RNASEH1: variants seen among roughly 807,000 people sequenced by gnomAD.
The protein encoded by RNASEH1 is ribonuclease H1.
Under a neutral mutation model 34.6 loss-of-function variants are expected in RNASEH1, and 27 were observed. The ratio of observed to expected loss-of-function variants is 0.78; its 90% CI spans 0.58 to 1.08. The LOEUF (loss-of-function observed/expected upper bound fraction) is 1.08, where lower values mean the gene tolerates loss of function less well. Ranked by LOEUF, RNASEH1 falls within the 50% of genes least tolerant of loss-of-function variation. The pLI is 0.00. For missense variants in RNASEH1, 349 were observed against 373.6 expected (o/e 0.93, Z 0.54); for synonymous variants, 162 against 138.4 (o/e 1.17, Z -1.20).
chr2:3,537,683 T>C (rs1029673341), downstream of RNASEH1, among the ~76,000 whole-genome samples: 2 of 151,656 alleles, frequency 1.3e-5, no homozygotes, highest in African/African-American at 4.9e-5. Flanking sequence ...ACAGCGCCAC[T>C]GTACTCCAGC....
downstream of RNASEH1, among the ~76,000 whole-genome samples, chr2:3,538,899 G>A (rs1668138732): frequency 6.6e-6 from 1 of 152,192 alleles, no homozygotes; most frequent in Non-Finnish European, 1.5e-5. Context: ...ATGCACTGTT[G>A]CTAATATCAT....
chr2:3,531,970 C>T, the RNASEH1 span: 19 of 392,074 alleles, frequency 4.8e-5, no homozygotes, highest in Non-Finnish European at 2.3e-5. Flanking sequence ...TAGCTGAGGC[C>T]GAACACTGCG....
chr2:3,557,578 G>A (rs1251775650), intron 1 of RNASEH1: 1 of 328,674 alleles, frequency 3.0e-6, no homozygotes, highest in Non-Finnish European at 6.0e-6. Flanking sequence ...GGTACAGTCA[G>A]AACAGCTGGG....
At chr2:3,546,693 T>C (rs1035076510) in intron 7 of RNASEH1, among the ~76,000 whole-genome samples, 3 of 152,296 alleles carry the variant, frequency 2.0e-5, no homozygotes, top group Middle Eastern at 3.4e-3. Context: ...CTCACTAGAA[T>C]TGTATTACTT....
intron 2 of RNASEH1, among the ~76,000 whole-genome samples, chr2:3,552,795 A>C (rs1226914317): frequency 6.6e-6 from 1 of 151,984 alleles, no homozygotes; most frequent in Non-Finnish European, 1.5e-5. Context: ...CCCGGGTTTG[A>C]ATCCAACCCG....
chr2:3,536,122 G>T, the RNASEH1 span, among the ~76,000 whole-genome samples: 1 of 152,214 alleles, frequency 6.6e-6, no homozygotes, highest in East Asian at 1.9e-4. Flanking sequence ...ACTAGAGCAG[G>T]ATCTCTCTGC....
Position 3,547,930 on chromosome 2 carries a change from C to G in RNASEH1, c.774+1G>C. 2 of 1,613,720 alleles carry G rather than the reference C, an allele frequency of 1.2e-6. No individual in the cohort carries two copies. Among genetic ancestry groups the G allele is most frequent in the Non-Finnish European group, 1.7e-6 (2 of 1,179,652 alleles). ...AGGACATGAACATTTAAGATACTCA[C>G]CCACTGAATGTCCATCCCCTGGGTA... On this transcript the variant is annotated splice_donor_variant, in intron 7 of 7. Coordinates refer to ENST00000315212, the MANE Select transcript of RNASEH1 (RefSeq NM_002936.6). LOFTEE classifies it high-confidence loss of function.
chr2:3,552,846 C>A (rs950182551), intron 2 of RNASEH1, among the ~76,000 whole-genome samples: 4 of 151,946 alleles, frequency 2.6e-5, no homozygotes, highest in African/African-American at 9.7e-5. Flanking sequence ...ATAGATAAAT[C>A]TAAAAAAAGA....
downstream of RNASEH1, among the ~76,000 whole-genome samples, chr2:3,538,750 A>G (rs1205366500): frequency 6.6e-6 from 1 of 152,186 alleles, no homozygotes; most frequent in African/African-American, 2.4e-5. Flanking sequence ...CAATCTGCAG[A>G]GTGGGGACTG....
At chr2:3,548,593 C>A (rs748892766) in intron 6 of RNASEH1, 47 bp downstream of exon 6, 3 of 1,317,786 alleles carry the variant, frequency 2.3e-6, no homozygotes, top group South Asian at 1.2e-5. Flanking sequence ...ACCAATTTCC[C>A]TTCACAGTTA....
At chr2:3,554,825 A>G (rs1226091171) in intron 2 of RNASEH1, among the ~76,000 whole-genome samples, 1 of 152,112 alleles carries the variant, frequency 6.6e-6, no homozygotes, top group Non-Finnish European at 1.5e-5. Flanking sequence ...AAAAAGCCAT[A>G]TTTTCAAACC....
chr2:3,535,602 C>A, the RNASEH1 span, among the ~76,000 whole-genome samples: 1 of 152,104 alleles, frequency 6.6e-6, no homozygotes, highest in African/African-American at 2.4e-5. Context: ...GCAGTAAGAG[C>A]CGCATGGCTG....
chr2:3,556,231 C>A (rs1489327082), intron 2 of RNASEH1, among the ~76,000 whole-genome samples: 1 of 151,434 alleles, frequency 6.6e-6, no homozygotes, highest in Non-Finnish European at 1.5e-5. Context: ...AAAGGCAACA[C>A]CACAAAGGGG....
Position 3,542,930 on chromosome 2 carries a change from C to T in RNASEH1, c.*2855G>A, listed in dbSNP as rs1286869450. Among the ~76,000 whole-genome samples the T allele has an allele frequency of 2.6e-5, 4 of 152,110 alleles. No homozygotes were observed. Among genetic ancestry groups the T allele is most frequent in the African/African-American group, 9.7e-5 (4 of 41,392 alleles). On this transcript the variant is annotated 3_prime_UTR_variant, in exon 8 of 8. Transcript: ENST00000315212. ...CCAAAAATCTAGAAATAATGACCAA[C>T]GCAATAGCAATGAGCATCCTAAACT...
chr2:3,550,079 T>C, intron 4 of RNASEH1: 1 of 314,026 alleles, frequency 3.2e-6, no homozygotes, highest in South Asian at 3.7e-5. Context: ...GAAGGTGAAG[T>C]CTGCAGTGAG....
chr2:3,544,456 T>G lies in RNASEH1; in HGVS notation c.*1329A>C, dbSNP rs1049586686. Among the ~76,000 whole-genome samples the G allele has an allele frequency of 6.6e-6, 1 of 151,604 alleles. No individual in the cohort carries two copies. Among genetic ancestry groups the G allele is most frequent in the Non-Finnish European group, 1.5e-5 (1 of 67,944 alleles). ...ACGGGACTGCAAATGGACACTGAAGTAGATAAAAAAATAAACAAAAAAAAG... is the reference window on the plus strand; with the variant it reads ...ACGGGACTGCAAATGGACACTGAAGGAGATAAAAAAATAAACAAAAAAAAG... On this transcript the variant is annotated 3_prime_UTR_variant, in exon 8 of 8. Transcript: ENST00000315212.
At chr2:3,555,695 C>T (rs2147779144) in intron 2 of RNASEH1, among the ~76,000 whole-genome samples, 1 of 152,224 alleles carries the variant, frequency 6.6e-6, no homozygotes, top group South Asian at 2.1e-4. Flanking sequence ...TTGTAAGTAA[C>T]ATTCACGTAA....
intron 2 of RNASEH1, among the ~76,000 whole-genome samples, chr2:3,554,349 T>A (rs1660280578): frequency 1.3e-5 from 2 of 152,116 alleles, no homozygotes; most frequent in African/African-American, 4.8e-5. Flanking sequence ...GATGGACACT[T>A]TACAGAACAG....
rs1668472404 is a variant in RNASEH1, at chr2:3,543,547, C to G, written c.*2238G>C. On this transcript the variant is annotated 3_prime_UTR_variant, in exon 8 of 8. Coordinates refer to ENST00000315212, the MANE Select transcript of RNASEH1 (RefSeq NM_002936.6). ...GGCTCCCTCTCACTGACCGAATAAG[C>G]TAGTCTGAGCTAAATAAAGATAAAA... 6.6e-6 allele frequency among the ~76,000 whole-genome samples: 1 copy of G among 152,054 alleles called. No homozygotes were observed. Among genetic ancestry groups the G allele is most frequent in the Non-Finnish European group, 1.5e-5 (1 of 68,024 alleles).
Sources: allele counts gnomAD v4.1 joint callset (sites outside exome capture counted in the v4.1 genomes callset), GRCh38; gene constraint gnomAD v4.1.1; transcripts MANE v1.5; gene names NCBI Gene and HGNC (gene_info 2026-07-23, HGNC 2026-07-21).